Variants in ATG10 observed in about 807,000 individuals in gnomAD.
ATG10 encodes the protein ubiquitin-like-conjugating enzyme ATG10.
In ATG10, 30 loss-of-function variants were observed where a neutral mutation model predicts 32.1. The ratio of observed to expected loss-of-function variants is 0.94; its 90% confidence interval spans 0.70 to 1.27. ATG10 has a LOEUF of 1.27. Ranked by LOEUF, ATG10 falls within the 50% of genes most tolerant of loss-of-function variation. ATG10 has a pLI of 0.00. For missense variants in ATG10, 233 were observed against 262.3 expected (o/e 0.89, Z 0.77); for synonymous variants, 87 against 91.5 (o/e 0.95, Z 0.28).
intron 3 of ATG10, among the ~76,000 whole-genome samples, chr5:82,140,178 G>A (rs865881420): frequency 0.31 from 7,428 of 23,842 alleles, no homozygotes; most frequent in Admixed American, 0.35. Context: ...CAGCCGCCCC[G>A]TCCGGGAGGG....
chr5:82,250,649 G>A (rs141527253), intron 5 of ATG10, among the ~76,000 whole-genome samples: 193 of 152,162 alleles, frequency 1.3e-3, no homozygotes, highest in Admixed American at 3.7e-3. Context: ...ACCCTGTTGT[G>A]TTTCCTTTGT....
At chr5:82,242,384 AGAG>A (rs1480635109) in intron 5 of ATG10, among the ~76,000 whole-genome samples, 1 of 152,150 alleles carries the variant, frequency 6.6e-6, no homozygotes, top group Non-Finnish European at 1.5e-5. Context: ...GACAAAGGAT[AGAG>A]GAGGACTAAC....
intron 5 of ATG10, among the ~76,000 whole-genome samples, chr5:82,245,328 A>T (rs1036895129): frequency 2.0e-5 from 3 of 152,238 alleles, no homozygotes; most frequent in Admixed American, 6.5e-5. Flanking sequence ...TCTCCATTGG[A>T]AAATAATGGC....
chr5:82,245,689 T>A (rs1033438567), intron 5 of ATG10, among the ~76,000 whole-genome samples: 7 of 152,222 alleles, frequency 4.6e-5, no homozygotes, highest in Non-Finnish European at 8.8e-5. Context: ...GTTATTTTTC[T>A]ATATCATATG....
chr5:82,166,598 A>T (rs908046355), intron 4 of ATG10, among the ~76,000 whole-genome samples: 21 of 151,704 alleles, frequency 1.4e-4, no homozygotes, highest in African/African-American at 5.1e-4. Context: ...TGGAGTCACA[A>T]TTTTTCATTT....
At chr5:82,235,115 G>A in intron 5 of ATG10, among the ~76,000 whole-genome samples, 1 of 152,124 alleles carries the variant, frequency 6.6e-6, no homozygotes, top group East Asian at 1.9e-4. Flanking sequence ...GGCGGGGAGG[G>A]TGCTGTCAGA....
At chr5:82,049,951 C>G (rs928858442) in intron 2 of ATG10, among the ~76,000 whole-genome samples, 2 of 152,002 alleles carry the variant, frequency 1.3e-5, no homozygotes, top group African/African-American at 4.8e-5. Flanking sequence ...AAAAATAACA[C>G]ATGATTTCAT....
At chr5:82,191,212 G>C (rs1744648994) in intron 5 of ATG10, among the ~76,000 whole-genome samples, 2 of 152,286 alleles carry the variant, frequency 1.3e-5, no homozygotes, top group South Asian at 4.2e-4. Flanking sequence ...CTGATAAATA[G>C]CTGAAATGTA....
chr5:82,063,653 T>C, intron 3 of ATG10, among the ~76,000 whole-genome samples: 1 of 152,064 alleles, frequency 6.6e-6, no homozygotes, highest in Non-Finnish European at 1.5e-5. Flanking sequence ...TCATCATGCC[T>C]GGCTAATTTT....
intron 2 of ATG10, chr5:82,009,762 T>G (rs1032148580): frequency 1.9e-6 from 3 of 1,606,370 alleles, no homozygotes; most frequent in Non-Finnish European, 2.6e-6. Context: ...GATGAAAAAC[T>G]GGGAGCCATT....
rs536360190 is a variant in ATG10 at position 82,049,643 on chromosome 5, A to G, written c.109-8852A>G. ...ATGGCATTGAAAATTGAAAGCCCTAAGTGACATCAAAAAATGTTTACTTGA... is the reference window on the plus strand; with the variant it reads ...ATGGCATTGAAAATTGAAAGCCCTAGGTGACATCAAAAAATGTTTACTTGA... On this transcript the variant is annotated intron_variant, in intron 2 of 7. Coordinates refer to ENST00000282185, the MANE Select transcript of ATG10 (RefSeq NM_031482.5). Among the ~76,000 whole-genome samples, 17 of 152,346 alleles carry G rather than the reference A, an allele frequency of 1.1e-4. No homozygotes were observed. In the South Asian group the frequency reaches 3.5e-3, roughly 32 times the overall value.
At chr5:82,139,526 C>T (rs1223655815) in intron 3 of ATG10, among the ~76,000 whole-genome samples, 10 of 145,622 alleles carry the variant, frequency 6.9e-5, no homozygotes, top group East Asian at 2.1e-4. Context: ...CGCCTCTGCC[C>T]GGCCGAGACC....
At position 82,188,252 on chromosome 5, in the gene ATG10, G is replaced by C. The variant is rs181349377; in HGVS notation, c.453+9665G>C. On this transcript the variant is annotated intron_variant, in intron 5 of 7. Coordinates refer to ENST00000282185, the MANE Select transcript of ATG10 (RefSeq NM_031482.5). ...CACTACATAATAAAAACAAGAGGCT[G>C]GTTAATGTTCTTTGTTATGTGTACA... is the stretch of plus-strand genomic sequence containing the variant. Among the ~76,000 whole-genome samples the C allele has an allele frequency of 2.4e-4, 37 of 152,242 alleles. 1 individual carries two copies. The East Asian group carries it at 6.4e-3, about 26-fold the overall frequency.
At chr5:82,152,631 G>C (rs1423078350) in intron 3 of ATG10, among the ~76,000 whole-genome samples, 2 of 152,116 alleles carry the variant, frequency 1.3e-5, no homozygotes, top group Non-Finnish European at 2.9e-5. Context: ...CTGGGTAGGA[G>C]GGCTACTTTC....
chr5:82,097,412 T>C (rs1029840464), intron 3 of ATG10, among the ~76,000 whole-genome samples: 1 of 152,160 alleles, frequency 6.6e-6, no homozygotes, highest in Admixed American at 6.6e-5. Flanking sequence ...TCAAAACATC[T>C]AGGACCATCT....
chr5:82,098,810 C>T (rs1765162409), intron 3 of ATG10, among the ~76,000 whole-genome samples: 1 of 152,184 alleles, frequency 6.6e-6, no homozygotes, highest in Admixed American at 6.5e-5. Flanking sequence ...ATAGATAGTT[C>T]TTTAAGTGAT....
intron 3 of ATG10, among the ~76,000 whole-genome samples, chr5:82,146,813 A>G (rs151192113): frequency 9.5e-4 from 144 of 152,222 alleles, no homozygotes; most frequent in African/African-American, 3.4e-3. Context: ...TTTAAAATCA[A>G]TATGAATATA....
chr5:81,993,393 T>TTTTTCTTTTCTTTTC lies in ATG10; in HGVS notation c.108+5734_108+5748dup, dbSNP rs1554039364. On this transcript the variant is annotated intron_variant, in intron 2 of 7. Coordinates refer to ENST00000282185, the MANE Select transcript of ATG10 (RefSeq NM_031482.5). Reference sequence around the variant, plus strand: ...CTTTTCTTTTCTTTTCTTTTCTTTTTTTTTCTTTTCTTTTCTTTTCTTTTC... The same window carrying TTTTTCTTTTCTTTTC: ...CTTTTCTTTTCTTTTCTTTTCTTTTTTTTTCTTTTCTTTTCTTTTCTTTTCTTTTCTTTTCTTTTC... Among the ~76,000 whole-genome samples the TTTTTCTTTTCTTTTC allele has an allele frequency of 3.8e-5, 4 of 105,666 alleles. 1 individual carries two copies. Among genetic ancestry groups the TTTTTCTTTTCTTTTC allele is most frequent in the African/African-American group, 1.6e-4 (4 of 24,408 alleles). The allele number at this position is 105,666 out of a possible 152,430, so 69.3% of individuals were successfully genotyped here. A position where few individuals can be genotyped will look rare whatever the true frequency, so the allele number is the denominator to read the frequency against.
chr5:82,234,828 C>T (rs1378251294), intron 5 of ATG10, among the ~76,000 whole-genome samples: 2 of 152,214 alleles, frequency 1.3e-5, no homozygotes, highest in Non-Finnish European at 2.9e-5. Context: ...CCCTGATAAG[C>T]TTATCACCCA....
Sources: gnomAD v4.1 joint callset for allele counts (sites outside exome capture counted in the v4.1 genomes callset) on GRCh38, gnomAD v4.1.1 for gene constraint, MANE v1.5 for transcripts, NCBI Gene and HGNC (gene_info 2026-07-23, HGNC 2026-07-21) for gene names.